PITPNC1: variants seen among roughly 807,000 people sequenced by gnomAD.
PITPNC1 encodes the protein cytoplasmic phosphatidylinositol transfer protein 1.
A neutral mutation model predicts 44.7 loss-of-function variants in PITPNC1; 18 were observed. The ratio of observed to expected loss-of-function variants is 0.40; its 90% CI spans 0.28 to 0.60. The LOEUF (loss-of-function observed/expected upper bound fraction) is 0.60, where lower values mean the gene tolerates loss of function less well. Ranked by LOEUF, PITPNC1 falls within the 20% of genes least tolerant of loss-of-function variation. The pLI is 0.39. For synonymous variants in PITPNC1, 141 were observed against 149.6 expected (o/e 0.94, Z 0.42); for missense variants, 290 against 418.4 (o/e 0.69, Z 2.68).
intron 6 of PITPNC1, among the ~76,000 whole-genome samples, chr17:67,656,946 C>T (rs917961711): frequency 1.3e-5 from 2 of 151,830 alleles, no homozygotes; most frequent in South Asian, 2.1e-4. Flanking sequence ...AGAGGTCAAC[C>T]GATGTGTGAA....
At chr17:67,441,550 T>A (rs1177663408) in intron 1 of PITPNC1, among the ~76,000 whole-genome samples, 2 of 152,164 alleles carry the variant, frequency 1.3e-5, no homozygotes, top group African/African-American at 4.8e-5. Flanking sequence ...GCTCATTCAT[T>A]CTCTCCGATT....
At chr17:67,662,501 T>C (rs1251346860) in intron 6 of PITPNC1, among the ~76,000 whole-genome samples, 1 of 152,192 alleles carries the variant, frequency 6.6e-6, no homozygotes, top group East Asian at 1.9e-4. Context: ...ACTTATCTAG[T>C]TGTGAGCCAT....
At chr17:67,378,660 C>A (rs1251731652) in intron 1 of PITPNC1, among the ~76,000 whole-genome samples, 1 of 152,132 alleles carries the variant, frequency 6.6e-6, no homozygotes, top group Non-Finnish European at 1.5e-5. Context: ...CTGCACGCCC[C>A]GAGCCCCGCG....
intron 5 of PITPNC1, among the ~76,000 whole-genome samples, chr17:67,608,260 A>C (rs930645586): frequency 6.4e-4 from 94 of 147,778 alleles, no homozygotes; most frequent in African/African-American, 6.8e-4. Flanking sequence ...AAAAAAACAA[A>C]AAAAAAAAAC....
chr17:67,406,591 G>GT (rs35597011), intron 1 of PITPNC1, among the ~76,000 whole-genome samples: 31,823 of 144,682 alleles, frequency 0.22, 4,760 homozygotes, highest in African/African-American at 0.43. Context: ...ATTATATATA[G>GT]TTTTTTTTTT....
At chr17:67,627,122 A>G (rs1213109829) in intron 5 of PITPNC1, among the ~76,000 whole-genome samples, 5 of 152,132 alleles carry the variant, frequency 3.3e-5, no homozygotes, top group African/African-American at 1.2e-4. Flanking sequence ...GCGTGGTGAC[A>G]GGCGCCTGTA....
At chr17:67,504,221 A>G (rs1209590650) in intron 1 of PITPNC1, among the ~76,000 whole-genome samples, 1 of 152,158 alleles carries the variant, frequency 6.6e-6, no homozygotes, top group African/African-American at 2.4e-5. Flanking sequence ...TCCTTCCCCA[A>G]AGGAGTAGGA....
In PITPNC1 at chr17:67,567,900, G is replaced by T. The variant is rs548285004; in HGVS notation, c.295-10286G>T. Among the ~76,000 whole-genome samples, 3 of 151,504 alleles carry T rather than the reference G, an allele frequency of 2.0e-5. No individual in the cohort carries two copies. The East Asian group carries it at 5.9e-4, about 30-fold the overall frequency. ...AGGCAGGAGAATCGCTTGAACCCAG[G>T]GGGTGGAATTGCAATGAGCCAAGAT... On this transcript the variant is annotated intron_variant, in intron 4 of 8. Coordinates refer to ENST00000581322, the MANE Select transcript of PITPNC1 (RefSeq NM_012417.4).
At chr17:67,464,504 G>T (rs1030116662) in intron 1 of PITPNC1, among the ~76,000 whole-genome samples, 1 of 152,034 alleles carries the variant, frequency 6.6e-6, no homozygotes, top group Non-Finnish European at 1.5e-5. Context: ...ATAGGCTGGC[G>T]AACTCTAAGA....
intron 6 of PITPNC1, among the ~76,000 whole-genome samples, chr17:67,649,825 T>A (rs1243565053): frequency 6.6e-6 from 1 of 152,150 alleles, no homozygotes; most frequent in Non-Finnish European, 1.5e-5. Context: ...GGAAAACATT[T>A]ACTTAGATTT....
intron 8 of PITPNC1, among the ~76,000 whole-genome samples, chr17:67,683,993 A>G (rs1010241480): frequency 2.0e-5 from 3 of 149,546 alleles, no homozygotes; most frequent in Admixed American, 6.7e-5. Context: ...AAAAAAAAAA[A>G]GAAAAGAAAA....
intron 6 of PITPNC1, among the ~76,000 whole-genome samples, chr17:67,639,485 T>A (rs1214557924): frequency 1.3e-5 from 2 of 152,166 alleles, no homozygotes; most frequent in Non-Finnish European, 2.9e-5. Context: ...TACAGCATAG[T>A]AAGTTGAATA....
intron 5 of PITPNC1, among the ~76,000 whole-genome samples, chr17:67,616,180 G>A (rs1239994212): frequency 2.0e-5 from 3 of 151,866 alleles, no homozygotes; most frequent in African/African-American, 4.8e-5. Flanking sequence ...CATTCTTGTC[G>A]CCCAGGCTGG....
At chr17:67,551,137 T>A (rs2040757246) in intron 2 of PITPNC1, among the ~76,000 whole-genome samples, 1 of 151,992 alleles carries the variant, frequency 6.6e-6, no homozygotes, top group African/African-American at 2.4e-5. Context: ...ATTACATATT[T>A]CAATATAATA....
At chr17:67,438,914 C>T (rs373818431) in intron 1 of PITPNC1, among the ~76,000 whole-genome samples, 2 of 152,172 alleles carry the variant, frequency 1.3e-5, no homozygotes, top group East Asian at 1.9e-4. Flanking sequence ...TGCTCCCATC[C>T]GTTTCCCTTG....
intron 1 of PITPNC1, among the ~76,000 whole-genome samples, chr17:67,409,276 G>A (rs1241422149): frequency 6.7e-6 from 1 of 150,048 alleles, no homozygotes; most frequent in Non-Finnish European, 1.5e-5. Flanking sequence ...AGTAGAGACG[G>A]GGTTTCACCT....
intron 1 of PITPNC1, among the ~76,000 whole-genome samples, chr17:67,501,687 C>G (rs1440074897): frequency 1.3e-5 from 2 of 152,002 alleles, no homozygotes; most frequent in East Asian, 3.9e-4. Flanking sequence ...CAAAAATGAG[C>G]CGGGATGTGG....
intron 5 of PITPNC1, among the ~76,000 whole-genome samples, chr17:67,624,533 G>A (rs1441256664): frequency 6.6e-6 from 1 of 151,270 alleles, no homozygotes; most frequent in Non-Finnish European, 1.5e-5. Context: ...TTGTTTTTTT[G>A]TTTGTTTTGT....
chr17:67,445,566 A>G (rs1471376985), intron 1 of PITPNC1, among the ~76,000 whole-genome samples: 1 of 152,028 alleles, frequency 6.6e-6, no homozygotes, highest in African/African-American at 2.4e-5. Flanking sequence ...CTCCTTTAGT[A>G]GCAAAAGGAA....
Sources: allele counts gnomAD v4.1 joint callset (sites outside exome capture counted in the v4.1 genomes callset), GRCh38; gene constraint gnomAD v4.1.1; transcripts MANE v1.5; gene names NCBI Gene and HGNC (gene_info 2026-07-23, HGNC 2026-07-21).